The following GRID1 variants were observed in gnomAD, a reference collection of about 807,000 sequenced individuals.
The protein encoded by GRID1 is glutamate receptor ionotropic, delta-1.
GRID1 carries 28 observed loss-of-function variants against 98.0 expected under a neutral mutation model. The observed-to-expected ratio is 0.29, with a 90% CI of 0.21 to 0.39. The LOEUF (loss-of-function observed/expected upper bound fraction) is 0.39. Ranked by LOEUF, GRID1 falls within the 10% of genes least tolerant of loss-of-function variation. The pLI is 1.00. For missense variants in GRID1, 1,111 were observed against 1,340.5 expected (o/e 0.83, Z 2.67); for synonymous variants, 553 against 538.5 (o/e 1.03, Z -0.37).
intron 2 of GRID1, among the ~76,000 whole-genome samples, chr10:86,316,626 A>C (rs1478122420): frequency 6.6e-6 from 1 of 152,254 alleles, no homozygotes; most frequent in Non-Finnish European, 1.5e-5. Context: ...AGATGGAGCC[A>C]GCTCCTGAGA....
At chr10:85,826,038 G>A (rs564591826) in intron 8 of GRID1, among the ~76,000 whole-genome samples, 25 of 152,158 alleles carry the variant, frequency 1.6e-4, no homozygotes, top group East Asian at 9.7e-4. Flanking sequence ...ATAAATACCC[G>A]CAATCAGGCT....
At chr10:86,246,571 T>C (rs1007626921) in intron 2 of GRID1, among the ~76,000 whole-genome samples, 1 of 152,188 alleles carries the variant, frequency 6.6e-6, no homozygotes, top group African/African-American at 2.4e-5. Context: ...CTCCCCTTGC[T>C]GGCATTCCCT....
intron 8 of GRID1, among the ~76,000 whole-genome samples, chr10:85,748,967 CA>C (rs1351775072): frequency 6.6e-6 from 1 of 152,138 alleles, no homozygotes; most frequent in Non-Finnish European, 1.5e-5. Flanking sequence ...ACCTTGCACA[CA>C]AAAGCCATCT....
At chr10:85,748,273 T>C (rs759518543) in intron 8 of GRID1, among the ~76,000 whole-genome samples, 5 of 152,170 alleles carry the variant, frequency 3.3e-5, no homozygotes, top group Non-Finnish European at 5.9e-5. Flanking sequence ...TACAGTATAG[T>C]GTAATGTGCT....
intron 2 of GRID1, among the ~76,000 whole-genome samples, chr10:86,286,054 A>G (rs1847426721): frequency 6.6e-6 from 1 of 152,124 alleles, no homozygotes; most frequent in Admixed American, 6.5e-5. Flanking sequence ...CGGGATAGGG[A>G]TAGGGATGGG....
intron 2 of GRID1, among the ~76,000 whole-genome samples, chr10:86,284,912 G>C (rs977865306): frequency 4.6e-5 from 7 of 152,136 alleles, no homozygotes; most frequent in African/African-American, 1.7e-4. Context: ...CTGCAGAGTG[G>C]TTCAGGACAG....
At chr10:86,071,414 G>T (rs1455032832) in intron 4 of GRID1, among the ~76,000 whole-genome samples, 3 of 152,190 alleles carry the variant, frequency 2.0e-5, no homozygotes, top group African/African-American at 7.2e-5. Context: ...TAACCTCTGG[G>T]TCTCTGGTCC....
intron 2 of GRID1, among the ~76,000 whole-genome samples, chr10:86,267,167 A>T (rs1449381810): frequency 1.3e-5 from 2 of 152,228 alleles, no homozygotes; most frequent in Non-Finnish European, 2.9e-5. Flanking sequence ...TACCTCATGA[A>T]ATATCTCAGC....
rs1015949906 is a variant in GRID1, at chr10:86,366,006, C to T, written c.79+308G>A. Among the ~76,000 whole-genome samples, 4 of 152,090 alleles carry T rather than the reference C, an allele frequency of 2.6e-5. No individual in the cohort carries two copies. The highest frequency in any genetic ancestry group is 5.9e-5 in the Non-Finnish European group (4 of 67,988). On this transcript the variant is annotated intron_variant, in intron 1 of 15. Coordinates refer to ENST00000327946, the MANE Select transcript of GRID1 (RefSeq NM_017551.3). The surrounding 1 kb of genome is among the most constrained non-coding windows in gnomAD (Gnocchi z 4.1). Reference sequence around the variant, plus strand: ...CAGAAGGGCCCTCCCGACCCGCCGACGGCCCCGCTAAGGGCGCGGGTCTCG... The same window carrying T: ...CAGAAGGGCCCTCCCGACCCGCCGATGGCCCCGCTAAGGGCGCGGGTCTCG...
At chr10:86,329,160 C>T (rs891441861) in intron 2 of GRID1, among the ~76,000 whole-genome samples, 10 of 152,226 alleles carry the variant, frequency 6.6e-5, no homozygotes, top group Non-Finnish European at 7.3e-5. Flanking sequence ...GGCATCCCTC[C>T]CGAGCCCTCT....
chr10:86,143,790 G>A (rs542692306), intron 3 of GRID1, among the ~76,000 whole-genome samples: 33 of 152,254 alleles, frequency 2.2e-4, no homozygotes, highest in Non-Finnish European at 4.4e-4. Flanking sequence ...CAGGGACAGG[G>A]AGGAGCTCCC....
chr10:85,735,847 A>C (rs1343189928), intron 8 of GRID1, among the ~76,000 whole-genome samples: 2 of 130,278 alleles, frequency 1.5e-5, no homozygotes, highest in Non-Finnish European at 1.7e-5. Flanking sequence ...GAAGGAAGGG[A>C]GGAAGGAAGG....
chr10:85,702,986 G>A (rs1199193093), intron 12 of GRID1, among the ~76,000 whole-genome samples: 1 of 151,506 alleles, frequency 6.6e-6, no homozygotes, highest in Non-Finnish European at 1.5e-5. Flanking sequence ...AAAGGAGGAG[G>A]AAATAAGGAG....
intron 4 of GRID1, among the ~76,000 whole-genome samples, chr10:86,057,257 T>C (rs1380451116): frequency 6.6e-6 from 1 of 152,196 alleles, no homozygotes; most frequent in Non-Finnish European, 1.5e-5. Context: ...CCTCCTGCAG[T>C]CACTTCTCTG....
At chr10:86,157,281 C>A (rs1204166882) in intron 3 of GRID1, among the ~76,000 whole-genome samples, 1 of 152,148 alleles carries the variant, frequency 6.6e-6, no homozygotes, top group South Asian at 2.1e-4. Context: ...CACAGAGGAA[C>A]AACTGAAGCC....
Position 85,916,650 on chromosome 10 carries a change from G to A in GRID1, c.727-411C>T, listed in dbSNP as rs1032177039. On this transcript the variant is annotated intron_variant, in intron 4 of 15. Transcript: ENST00000327946. The surrounding 1 kb of genome is among the most constrained non-coding windows in gnomAD (Gnocchi z 4.0). ...TGGAACGAGGGATTTATGGGGGCTT[G>A]TCTAGTCCAGCTGTACTGAGTGACA... 6.6e-6 allele frequency among the ~76,000 whole-genome samples: 1 copy of A among 152,212 alleles called. No individual in the cohort carries two copies. Among genetic ancestry groups the A allele is most frequent in the African/African-American group, 2.4e-5 (1 of 41,454 alleles).
intron 2 of GRID1, among the ~76,000 whole-genome samples, chr10:86,247,816 A>T (rs1456209384): frequency 6.6e-6 from 1 of 152,150 alleles, no homozygotes; most frequent in Admixed American, 6.5e-5. Flanking sequence ...GGGATGGCCC[A>T]GCACTCCTCC....
intron 5 of GRID1, among the ~76,000 whole-genome samples, chr10:85,870,685 T>C (rs573312490): frequency 6.6e-6 from 1 of 152,054 alleles, no homozygotes; most frequent in South Asian, 2.1e-4. Context: ...CTGTTCCAGG[T>C]AGAGGGTAGA....
At chr10:85,771,352 C>G (rs1246488828) in intron 8 of GRID1, among the ~76,000 whole-genome samples, 1 of 152,158 alleles carries the variant, frequency 6.6e-6, no homozygotes, top group African/African-American at 2.4e-5. Context: ...CAACCGGTAC[C>G]AGCCACTGCA....
Sources: allele counts gnomAD v4.1 joint callset (sites outside exome capture counted in the v4.1 genomes callset), GRCh38; gene constraint gnomAD v4.1.1; non-coding constraint Gnocchi (gnomAD v3.1); transcripts MANE v1.5; gene names NCBI Gene and HGNC (gene_info 2026-07-23, HGNC 2026-07-21).